Variants in GOLGA4 observed in about 807,000 individuals in gnomAD.
GOLGA4 encodes the protein golgin A4.
In GOLGA4, 169 loss-of-function variants were observed where a neutral mutation model predicts 265.9. The observed-to-expected ratio is 0.64, with a 90% CI of 0.56 to 0.72. The LOEUF is 0.72. GOLGA4 is among the 30% of genes least tolerant of loss of function. GOLGA4 has a pLI of 0.00. For synonymous variants in GOLGA4, 923 were observed against 855.8 expected, an observed-to-expected ratio of 1.08 and a Z score of -1.37; for missense variants, 2,482 against 2,483.4, an observed-to-expected ratio of 1.00 and a Z score of 0.01.
At chr3:37,281,714 T>C (rs2150768115) in intron 2 of GOLGA4, among the ~76,000 whole-genome samples, 1 of 152,356 alleles carries the variant, frequency 6.6e-6, no homozygotes, top group Non-Finnish European at 1.5e-5. Context: ...AGTGACTTAC[T>C]GAAGGGCATT....
chr3:37,309,902 T>G (rs1253697766), intron 10 of GOLGA4, among the ~76,000 whole-genome samples: 2 of 152,274 alleles, frequency 1.3e-5, no homozygotes, highest in African/African-American at 4.8e-5. Flanking sequence ...TATTGAGAAC[T>G]GCTGCTGTAG....
At chr3:37,249,974 T>A (rs765155330) in intron 1 of GOLGA4, 36 of 152,232 alleles carry the variant, frequency 2.4e-4, no homozygotes, top group Non-Finnish European at 4.6e-4. Flanking sequence ...GTATGTCTGT[T>A]TTTTCACATC....
At chr3:37,331,296 A>G (rs190489241) in intron 16 of GOLGA4, among the ~76,000 whole-genome samples, 4 of 152,166 alleles carry the variant, frequency 2.6e-5, no homozygotes, top group African/African-American at 7.2e-5. Flanking sequence ...CTCACTAGCC[A>G]CAGTTTTAGG....
intron 14 of GOLGA4, 136 bp from the exon 15 acceptor site, chr3:37,328,280 A>ACTCT (rs5847960): frequency 0.029 from 19,911 of 685,104 alleles, 241 homozygotes; most frequent in African/African-American, 0.055. Flanking sequence ...TCACTCTCAC[A>ACTCT]CTCTCTCTCT....
At chr3:37,287,244 G>A (rs544246442) in intron 4 of GOLGA4, among the ~76,000 whole-genome samples, 2 of 152,244 alleles carry the variant, frequency 1.3e-5, no homozygotes, top group East Asian at 1.9e-4. Flanking sequence ...GGGAGGCTGA[G>A]GCAGGAGAAT....
chr3:37,243,512 A>G lies in GOLGA4; in HGVS notation c.-39A>G, dbSNP rs1221079241. ...GGGACTCCCCGGGCTCTCGCCCTTC[A>G]GGTTTCGTTGACACTCAGGACCGTA... On this transcript the variant is annotated 5_prime_UTR_variant, in exon 1 of 24. Transcript: ENST00000361924. 6.3e-7 allele frequency: 1 copy of G among 1,591,634 alleles called. No individual in the cohort carries two copies. Among genetic ancestry groups the G allele is most frequent in the African/African-American group, 1.3e-5 (1 of 74,512 alleles).
In GOLGA4 at chr3:37,329,080, A is replaced by G. The variant is rs1559443605; in HGVS notation, c.6179A>G (p.Glu2060Gly). The G allele has an allele frequency of 1.9e-6, 3 of 1,605,676 alleles. No individual in the cohort carries two copies. The highest frequency in any genetic ancestry group is 2.5e-6 in the Non-Finnish European group (3 of 1,176,908). The part of the protein sequence containing the change: ...DDLKRTAKRY[E>G]EILDAREEEM... ...CTAAAACGAACAGCCAAAAGATATG[A>G]AGAAATCCTTGATGTTTGTACCTTA... Residue 2060 changes from glutamate (E) to glycine (G), a missense_variant, in exon 16 of 24, where the codon GAA (glutamate) becomes GGA (glycine). By Grantham distance (98) the Glu-to-Gly change is moderately conservative. Coordinates refer to ENST00000361924, the MANE Select transcript of GOLGA4 (RefSeq NM_002078.5).
chr3:37,361,189 T>TA lies in GOLGA4; in HGVS notation c.6664-53dup, dbSNP rs1461140821. Reference sequence around the variant, plus strand: ...TCATATACACATACAATCTATGTGTTATATTAAGTCTTAAAACTAACCCAA... The same window carrying TA: ...TCATATACACATACAATCTATGTGTTAATATTAAGTCTTAAAACTAACCCAA... On this transcript the variant is annotated intron_variant, in intron 22 of 23. Transcript: ENST00000361924. 6.3e-6 allele frequency: 8 copies of TA among 1,268,774 alleles called. No individual in the cohort carries two copies. The African/African-American group carries it at 8.8e-5, about 14-fold the overall frequency. The allele number at this position is 1,268,774 out of a possible 1,614,324, so 78.6% of individuals were successfully genotyped here. A position where few individuals can be genotyped will look rare whatever the true frequency, so the allele number is the denominator to read the frequency against.
intron 2 of GOLGA4, among the ~76,000 whole-genome samples, chr3:37,278,067 T>G (rs2150750247): frequency 6.6e-6 from 1 of 152,342 alleles, no homozygotes; most frequent in East Asian, 1.9e-4. Flanking sequence ...GAAATAATGT[T>G]TCAGAATAAA....
chr3:37,315,315 C>T (rs923825714), intron 10 of GOLGA4, 105 bp from the exon 11 acceptor site: 2 of 906,396 alleles, frequency 2.2e-6, no homozygotes, highest in African/African-American at 1.7e-5. Flanking sequence ...GTTTTTTAAC[C>T]TATCCTGCTA....
intron 2 of GOLGA4, chr3:37,273,690 T>A: frequency 1.4e-6 from 1 of 728,460 alleles, no homozygotes; most frequent in Non-Finnish European, 2.4e-6. Context: ...GACTTTACAT[T>A]GAAATGGTGA....
chr3:37,306,732 G>C (rs1006890874), intron 10 of GOLGA4, among the ~76,000 whole-genome samples: 1 of 151,810 alleles, frequency 6.6e-6, no homozygotes, highest in Non-Finnish European at 1.5e-5. Flanking sequence ...TTAGCATTAT[G>C]TTATTGACAC....
At chr3:37,365,931 C>G in intron 23 of GOLGA4, 149 bp from the exon 24 acceptor site, 1 of 558,524 alleles carries the variant, frequency 1.8e-6, no homozygotes, top group Non-Finnish European at 3.0e-6. Flanking sequence ...CCACACCCAG[C>G]CTTATTTCTG....
intron 23 of GOLGA4, among the ~76,000 whole-genome samples, chr3:37,362,760 T>C (rs901531508): frequency 4.8e-5 from 7 of 146,536 alleles, no homozygotes; most frequent in African/African-American, 1.8e-4. Flanking sequence ...TCAAGCGATC[T>C]TCCTACCTCA....
At chr3:37,258,303 T>TG (rs2096759937) in intron 2 of GOLGA4, among the ~76,000 whole-genome samples, 3 of 150,412 alleles carry the variant, frequency 2.0e-5, no homozygotes, top group Non-Finnish European at 4.4e-5. Context: ...AGCATATATA[T>TG]ATATAGAGAG....
intron 10 of GOLGA4, among the ~76,000 whole-genome samples, chr3:37,302,557 T>C (rs557398353): frequency 9.2e-5 from 14 of 152,366 alleles, no homozygotes; most frequent in African/African-American, 3.4e-4. Context: ...AGGCTAAGGA[T>C]GATTTTTACA....
At chr3:37,344,124 C>T (rs1042263407) in intron 20 of GOLGA4, among the ~76,000 whole-genome samples, 10 of 152,210 alleles carry the variant, frequency 6.6e-5, no homozygotes, top group African/African-American at 2.4e-4. Flanking sequence ...TGAAACTGGT[C>T]AGTGTCTCAC....
chr3:37,294,438 T>C (rs1198475009), intron 5 of GOLGA4, among the ~76,000 whole-genome samples: 1 of 149,810 alleles, frequency 6.7e-6, no homozygotes, highest in East Asian at 2.0e-4. Context: ...CAGGCTGGAG[T>C]GCAGTGGCAA....
chr3:37,287,138 C>T lies in GOLGA4; in HGVS notation c.525+1077C>T, dbSNP rs554729741. On this transcript the variant is annotated intron_variant, in intron 4 of 23. Coordinates refer to ENST00000361924, the MANE Select transcript of GOLGA4 (RefSeq NM_002078.5). ...GGTGGATCACCTGAGGTCAGGAGTT[C>T]GAGATGAGCCTGGCCAACATGATGA... Among the ~76,000 whole-genome samples, 12 of 152,226 alleles carry T rather than the reference C, an allele frequency of 7.9e-5. No individual in the cohort carries two copies. The East Asian group carries it at 1.2e-3, about 15-fold the overall frequency.
Sources: allele counts gnomAD v4.1 joint callset (sites outside exome capture counted in the v4.1 genomes callset), GRCh38; gene constraint gnomAD v4.1.1; transcripts MANE v1.5; gene names NCBI Gene and HGNC (gene_info 2026-07-23, HGNC 2026-07-21).